The following ARL8B variants were observed in gnomAD, a reference collection of about 807,000 sequenced individuals.
ARL8B encodes the protein ARF like GTPase 8B.
A neutral mutation model predicts 30.6 loss-of-function variants in ARL8B; 9 were observed. The observed-to-expected ratio is 0.29, with a 90% CI of 0.18 to 0.51. The LOEUF (loss-of-function observed/expected upper bound fraction) is 0.51. Among genes scored for constraint, ARL8B ranks in the 20% least tolerant of loss-of-function variants. The probability of loss-of-function intolerance (pLI) is 0.97; values close to 1 mark genes in which losing one functional copy is unlikely to be tolerated. For missense variants in ARL8B, 130 were observed against 227.2 expected, an observed-to-expected ratio of 0.57 and a Z score of 2.75; for synonymous variants, 74 against 76.0, an observed-to-expected ratio of 0.97 and a Z score of 0.14.
chr3:5,155,685 G>T, intron 1 of ARL8B, among the ~76,000 whole-genome samples: 1 of 117,990 alleles, frequency 8.5e-6, no homozygotes, highest in Admixed American at 1.2e-4. Flanking sequence ...ACCCCCGCCT[G>T]GTCAAATCAG....
At position 5,159,297 on chromosome 3, in the gene ARL8B, C is replaced by CAAAA. The variant is rs56033027; in HGVS notation, c.124-11186_124-11183dup. Among the ~76,000 whole-genome samples the CAAAA allele has an allele frequency of 4.7e-3, 247 of 53,000 alleles. 5 individuals are homozygous for CAAAA. The highest frequency in any genetic ancestry group is 0.018 in the African/African-American group (235 of 12,800). 34.8% of individuals were successfully genotyped at this position (53,000 alleles called of 152,430 possible). A position where few individuals can be genotyped will look rare whatever the true frequency, so the allele number is the denominator to read the frequency against. ...CTTGGGTGACAGAGTGACTCTGTCT[C>CAAAA]AAAAAAAAAAAAAAAAAAAAAAATG... On this transcript the variant is annotated intron_variant, in intron 1 of 6. Coordinates refer to ENST00000256496, the MANE Select transcript of ARL8B (RefSeq NM_018184.3).
In ARL8B at chr3:5,155,324, G is replaced by T. The variant is rs767065429; in HGVS notation, c.124-15179G>T. ...ATGAGTTGCCTCTTGCTGCTTTCAA[G>T]ATTATATCTGTCTTTGTCTTTTAAT... On this transcript the variant is annotated intron_variant, in intron 1 of 6. Coordinates refer to ENST00000256496, the MANE Select transcript of ARL8B (RefSeq NM_018184.3). 1.1e-4 allele frequency among the ~76,000 whole-genome samples: 17 copies of T among 152,242 alleles called. 1 individual carries two copies. The highest frequency in any genetic ancestry group is 2.2e-4 in the Non-Finnish European group (15 of 68,020).
chr3:5,131,417 G>T (rs1272174972), intron 1 of ARL8B, among the ~76,000 whole-genome samples: 2 of 150,176 alleles, frequency 1.3e-5, no homozygotes, highest in African/African-American at 2.5e-5. Flanking sequence ...TTGAGACAGA[G>T]TCTCACTCTG....
At chr3:5,165,907 T>A (rs1301313933) in intron 1 of ARL8B, among the ~76,000 whole-genome samples, 1 of 152,310 alleles carries the variant, frequency 6.6e-6, no homozygotes, top group South Asian at 2.1e-4. Context: ...ATGAAGAGGA[T>A]TTCACTGTGT....
rs143068658 is a variant in ARL8B, at chr3:5,156,361, A to G, written c.124-14142A>G. Among the ~76,000 whole-genome samples the G allele has an allele frequency of 2.9e-4, 43 of 149,014 alleles. No individual in the cohort carries two copies. The East Asian group carries it at 8.2e-3, about 28-fold the overall frequency. On this transcript the variant is annotated intron_variant, in intron 1 of 6. Coordinates refer to ENST00000256496, the MANE Select transcript of ARL8B (RefSeq NM_018184.3). ...TAATAATGTTGTAACCCTGGAAATC[A>G]GACTCTCCCCCTTCCCCAGAGTTTA...
chr3:5,131,300 A>G (rs2054280978), intron 1 of ARL8B, among the ~76,000 whole-genome samples: 1 of 152,204 alleles, frequency 6.6e-6, no homozygotes, highest in South Asian at 2.1e-4. Flanking sequence ...AGGAAAATCT[A>G]GGAAAAGAAA....
chr3:5,172,748 T>C lies in ARL8B; in HGVS notation c.372+8T>C. The C allele has an allele frequency of 6.8e-7, 1 of 1,476,590 alleles. No individual in the cohort carries two copies. The highest frequency in any genetic ancestry group is 1.7e-5 in the Admixed American group (1 of 57,470). 91.5% of individuals were successfully genotyped at this position (1,476,590 alleles called of 1,614,324 possible). A position where few individuals can be genotyped will look rare whatever the true frequency, so the allele number is the denominator to read the frequency against. On this transcript the variant is annotated splice_region_variant and intron_variant, in intron 4 of 6. Coordinates refer to ENST00000256496, the MANE Select transcript of ARL8B (RefSeq NM_018184.3). ...CAGTTACAAGGAATTCCAGTAAGTA[T>C]GGAATACTTGTTATTTTACATTGTA...
chr3:5,139,225 A>C (rs1366913888), intron 1 of ARL8B, among the ~76,000 whole-genome samples: 1 of 152,332 alleles, frequency 6.6e-6, no homozygotes, highest in Admixed American at 6.5e-5. Context: ...AAGAAGTTAC[A>C]ATCTTGGCTT....
At chr3:5,145,347 G>A (rs940820565) in intron 1 of ARL8B, among the ~76,000 whole-genome samples, 6 of 151,970 alleles carry the variant, frequency 3.9e-5, no homozygotes, top group Admixed American at 1.3e-4. Context: ...ACCATCTCCC[G>A]GCTTTTTGAT....
chr3:5,160,811 T>C (rs981536361), intron 1 of ARL8B, among the ~76,000 whole-genome samples: 1 of 152,264 alleles, frequency 6.6e-6, no homozygotes, highest in African/African-American at 2.4e-5. Flanking sequence ...AGTTTTTCAC[T>C]GAGTTTCGTT....
intron 1 of ARL8B, among the ~76,000 whole-genome samples, chr3:5,152,924 A>G (rs2054497081): frequency 6.6e-6 from 1 of 152,352 alleles, no homozygotes; most frequent in East Asian, 1.9e-4. Context: ...TAGTTTAAAC[A>G]TAGTATTTAG....
At chr3:5,161,309 C>T (rs1559283612) in intron 1 of ARL8B, among the ~76,000 whole-genome samples, 1 of 151,908 alleles carries the variant, frequency 6.6e-6, no homozygotes, top group Non-Finnish European at 1.5e-5. Flanking sequence ...CAAAAAAAGA[C>T]AAAACAAAAA....
At chr3:5,141,779 G>T (rs1300447590) in intron 1 of ARL8B, among the ~76,000 whole-genome samples, 1 of 152,158 alleles carries the variant, frequency 6.6e-6, no homozygotes, top group Non-Finnish European at 1.5e-5. Flanking sequence ...TCTAGTGCAA[G>T]CCTGTTTTTC....
intron 1 of ARL8B, among the ~76,000 whole-genome samples, chr3:5,144,205 TC>T (rs2054400114): frequency 6.6e-6 from 1 of 152,190 alleles, no homozygotes; most frequent in Admixed American, 6.5e-5. Context: ...TTGACCACAT[TC>T]CCAGCAGTGG....
intron 1 of ARL8B, among the ~76,000 whole-genome samples, chr3:5,165,675 AC>A (rs2054617746): frequency 6.6e-6 from 1 of 152,178 alleles, no homozygotes; most frequent in Non-Finnish European, 1.5e-5. Context: ...GAGGAAAAAA[AC>A]CATGAGACAT....
At chr3:5,123,059 A>T (rs2106548677) in intron 1 of ARL8B, among the ~76,000 whole-genome samples, 1 of 152,172 alleles carries the variant, frequency 6.6e-6, no homozygotes, top group East Asian at 1.9e-4. Flanking sequence ...CAATAGACCC[A>T]TTGTGAAAGC....
chr3:5,155,152 A>G (rs2054520662), intron 1 of ARL8B, among the ~76,000 whole-genome samples: 1 of 152,108 alleles, frequency 6.6e-6, no homozygotes, highest in South Asian at 2.1e-4. Context: ...TTTTTCTCCA[A>G]CTTCTGAAGG....
chr3:5,170,451 G>T lies in ARL8B; in HGVS notation c.124-52G>T. On this transcript the variant is annotated intron_variant, in intron 1 of 6. Transcript: ENST00000256496. ...TGCAATGTTGATATTAGAAGTTTAT[G>T]CAGTGTCATTATAAGTGAGTAGCCT... 5 of 1,210,904 alleles carry T rather than the reference G, an allele frequency of 4.1e-6. No individual in the cohort carries two copies. The South Asian group carries it at 6.7e-5, about 16-fold the overall frequency. 75.0% of individuals were successfully genotyped at this position (1,210,904 alleles called of 1,614,324 possible).
intron 1 of ARL8B, among the ~76,000 whole-genome samples, chr3:5,139,752 A>G (rs768989852): frequency 3.3e-5 from 5 of 152,206 alleles, no homozygotes; most frequent in Non-Finnish European, 7.3e-5. Flanking sequence ...AAAAACTCCT[A>G]TGTAACTTCC....
Sources: gnomAD v4.1 joint callset for allele counts (sites outside exome capture counted in the v4.1 genomes callset) on GRCh38, gnomAD v4.1.1 for gene constraint, MANE v1.5 for transcripts, NCBI Gene and HGNC (gene_info 2026-07-23, HGNC 2026-07-21) for gene names.